The following CSNK2A2IP variants were observed in gnomAD, a reference collection of about 807,000 sequenced individuals.
CSNK2A2IP encodes casein kinase II subunit alpha'-interacting protein.
the CSNK2A2IP span, among the ~76,000 whole-genome samples, chr3:88,460,566 G>T: frequency 6.6e-6 from 1 of 151,874 alleles, no homozygotes; most frequent in Non-Finnish European, 1.5e-5. Context: ...TTTTAAATTA[G>T]CATCATCATC....
At chr3:88,405,319 C>A in the CSNK2A2IP span, among the ~76,000 whole-genome samples, 17 of 152,098 alleles carry the variant, frequency 1.1e-4, no homozygotes, top group Non-Finnish European at 1.5e-5. Flanking sequence ...CACCCTGCTA[C>A]TTATTCAGGG....
At chr3:88,360,299 A>AT in the CSNK2A2IP span, among the ~76,000 whole-genome samples, 10 of 151,478 alleles carry the variant, frequency 6.6e-5, no homozygotes, top group Admixed American at 3.3e-4. Context: ...ACGCCCGGCT[A>AT]TTTTTTTGTA....
At chr3:88,354,785 T>C in the CSNK2A2IP span, among the ~76,000 whole-genome samples, 1 of 152,168 alleles carries the variant, frequency 6.6e-6, no homozygotes, top group Non-Finnish European at 1.5e-5. Context: ...TCTAAAGATA[T>C]ACTAAAGTCT....
the CSNK2A2IP span, among the ~76,000 whole-genome samples, chr3:88,450,498 C>G: frequency 1.5e-5 from 2 of 135,482 alleles, no homozygotes; most frequent in Non-Finnish European, 1.6e-5. Context: ...CGTAGTTGAC[C>G]TTTTTAAAAA....
At chr3:88,352,563 T>C in the CSNK2A2IP span, among the ~76,000 whole-genome samples, 1 of 151,864 alleles carries the variant, frequency 6.6e-6, no homozygotes, top group African/African-American at 2.4e-5. Context: ...CTGAAAATAA[T>C]TTTATAGATT....
the CSNK2A2IP span, among the ~76,000 whole-genome samples, chr3:88,355,844 G>C: frequency 6.6e-6 from 1 of 151,996 alleles, no homozygotes; most frequent in Non-Finnish European, 1.5e-5. Flanking sequence ...AAAAATATGT[G>C]ATTTCTGATG....
chr3:88,359,482 A>G, the CSNK2A2IP span, among the ~76,000 whole-genome samples: 1 of 150,834 alleles, frequency 6.6e-6, no homozygotes, highest in Admixed American at 6.6e-5. Context: ...AAGTCTTTCT[A>G]TTTTTTAATG....
chr3:88,379,880 C>T, the CSNK2A2IP span, among the ~76,000 whole-genome samples: 2 of 152,022 alleles, frequency 1.3e-5, no homozygotes, highest in Non-Finnish European at 2.9e-5. Context: ...TTTTAACATG[C>T]TAAGGCTATC....
chr3:88,396,065 A>G, the CSNK2A2IP span, among the ~76,000 whole-genome samples: 2 of 150,686 alleles, frequency 1.3e-5, no homozygotes, highest in Non-Finnish European at 3.0e-5. Context: ...TTGATAAAAG[A>G]GTCACATATT....
the CSNK2A2IP span, among the ~76,000 whole-genome samples, chr3:88,457,746 A>AAATC: frequency 4.9e-5 from 7 of 141,598 alleles, no homozygotes; most frequent in East Asian, 4.8e-4. Flanking sequence ...AAAATAAAAT[A>AAATC]AAATAAAATC....
At chr3:88,373,485 G>C in the CSNK2A2IP span, among the ~76,000 whole-genome samples, 2 of 150,978 alleles carry the variant, frequency 1.3e-5, no homozygotes, top group Non-Finnish European at 3.0e-5. Flanking sequence ...TAATAAAGTG[G>C]TGTTTAGAGA....
At chr3:88,362,384 G>A in the CSNK2A2IP span, among the ~76,000 whole-genome samples, 1 of 152,198 alleles carries the variant, frequency 6.6e-6, no homozygotes, top group South Asian at 2.1e-4. Context: ...GCCTTGGTGG[G>A]TTTGGGGAAG....
chr3:88,348,789 A>G, the CSNK2A2IP span, among the ~76,000 whole-genome samples: 1 of 152,072 alleles, frequency 6.6e-6, no homozygotes, highest in African/African-American at 2.4e-5. Flanking sequence ...ATCAAAAAAT[A>G]GTAAGAAGAA....
At chr3:88,383,053 T>C in the CSNK2A2IP span, among the ~76,000 whole-genome samples, 2 of 152,064 alleles carry the variant, frequency 1.3e-5, no homozygotes, top group East Asian at 3.9e-4. Context: ...TCAGGTTTCT[T>C]CTCCTTCTCC....
chr3:88,353,301 T>TA, the CSNK2A2IP span, among the ~76,000 whole-genome samples: 71 of 152,334 alleles, frequency 4.7e-4, 1 homozygote, highest in Non-Finnish European at 6.9e-4. Flanking sequence ...GAAATGAATA[T>TA]AAAAAACCAA....
At chr3:88,459,841 C>T in the CSNK2A2IP span, among the ~76,000 whole-genome samples, 1 of 151,932 alleles carries the variant, frequency 6.6e-6, no homozygotes, top group South Asian at 2.1e-4. Flanking sequence ...ATAGTGCTTC[C>T]TAATAATATA....
the CSNK2A2IP span, chr3:88,467,121 A>T: frequency 4.5e-6 from 2 of 443,966 alleles, no homozygotes; most frequent in African/African-American, 4.1e-5. Flanking sequence ...TTATAGGCCA[A>T]CAGCCCCAGG....
chr3:88,344,834 G>T, the CSNK2A2IP span, among the ~76,000 whole-genome samples: 1 of 151,992 alleles, frequency 6.6e-6, no homozygotes, highest in East Asian at 1.9e-4. Context: ...TTCACTAGTT[G>T]ACAGCAATTG....
the CSNK2A2IP span, among the ~76,000 whole-genome samples, chr3:88,403,511 G>T: frequency 6.6e-6 from 1 of 152,102 alleles, no homozygotes; most frequent in East Asian, 1.9e-4. Context: ...TGGTAGAGCA[G>T]CCTTGACCCC....
Sources: allele counts gnomAD v4.1 joint callset (sites outside exome capture counted in the v4.1 genomes callset), GRCh38; gene constraint gnomAD v4.1.1; transcripts MANE v1.5; gene names NCBI Gene and HGNC (gene_info 2026-07-23, HGNC 2026-07-21).